The following CHCHD6 variants were observed in gnomAD, a reference collection of about 807,000 sequenced individuals.
The protein encoded by CHCHD6 is coiled-coil-helix-coiled-coil-helix domain containing 6, also known as MICOS complex subunit MIC25.
Under a neutral mutation model 32.3 loss-of-function variants are expected in CHCHD6, and 28 were observed. That is an observed-to-expected ratio of 0.87 (90% CI 0.64 to 1.19). CHCHD6 has a LOEUF of 1.19. Among genes scored for constraint, CHCHD6 ranks in the 50% most tolerant of loss-of-function variants. The probability of loss-of-function intolerance (pLI) is 0.00; values close to 1 mark genes in which losing one functional copy is unlikely to be tolerated. For synonymous variants in CHCHD6, 122 were observed against 117.5 expected, an observed-to-expected ratio of 1.04 and a Z score of -0.25; for missense variants, 333 against 307.0, an observed-to-expected ratio of 1.08 and a Z score of -0.63.
At chr3:126,725,168 G>A (rs1935476478) in intron 1 of CHCHD6, among the ~76,000 whole-genome samples, 1 of 152,206 alleles carries the variant, frequency 6.6e-6, no homozygotes, top group Non-Finnish European at 1.5e-5. Flanking sequence ...ATGTATGGCA[G>A]CTCTAAGCTT....
Position 126,803,458 on chromosome 3 carries a change from G to C in CHCHD6, c.412-49189G>C, listed in dbSNP as rs571860803. ...GACTTTAAACCAACAAAGATCAAAAGAGACAAAGAAGGCCATTACATAGTG... is the reference window on the plus strand; with the variant it reads ...GACTTTAAACCAACAAAGATCAAAACAGACAAAGAAGGCCATTACATAGTG... On this transcript the variant is annotated intron_variant, in intron 4 of 7. Transcript: ENST00000290913. 1.8e-4 allele frequency among the ~76,000 whole-genome samples: 27 copies of C among 152,250 alleles called. No homozygotes were observed. The East Asian group carries it at 4.8e-3, about 27-fold the overall frequency.
intron 1 of CHCHD6, among the ~76,000 whole-genome samples, chr3:126,718,399 G>A: frequency 6.6e-6 from 1 of 151,296 alleles, no homozygotes; most frequent in East Asian, 2.0e-4. Context: ...GGAAATCACT[G>A]TAGAGTCTGT....
intron 5 of CHCHD6, among the ~76,000 whole-genome samples, chr3:126,876,469 C>T (rs1197580819): frequency 6.6e-6 from 1 of 152,208 alleles, no homozygotes; most frequent in Non-Finnish European, 1.5e-5. Context: ...CAGTGTTGTA[C>T]TCTCATTCTT....
At chr3:126,738,309 C>A (rs917109239) in intron 4 of CHCHD6, among the ~76,000 whole-genome samples, 2 of 152,160 alleles carry the variant, frequency 1.3e-5, no homozygotes, top group Non-Finnish European at 2.9e-5. Context: ...ATGTAAGAGG[C>A]TTGAGCATCC....
At chr3:126,813,255 A>G (rs910434259) in intron 4 of CHCHD6, among the ~76,000 whole-genome samples, 2 of 152,194 alleles carry the variant, frequency 1.3e-5, no homozygotes, top group Non-Finnish European at 2.9e-5. Flanking sequence ...GTTAAAAGAG[A>G]TGCTGTCTCT....
chr3:126,726,487 T>C (rs1559806613), intron 1 of CHCHD6, among the ~76,000 whole-genome samples: 1 of 152,142 alleles, frequency 6.6e-6, no homozygotes, highest in African/African-American at 2.4e-5. Context: ...ACAAAGTACA[T>C]GCTGTTGGAA....
intron 6 of CHCHD6, among the ~76,000 whole-genome samples, chr3:126,943,203 G>T (rs758762086): frequency 2.0e-5 from 3 of 152,000 alleles, no homozygotes; most frequent in Non-Finnish European, 4.4e-5. Context: ...TCCTAATGAC[G>T]CCCCCCACTA....
At chr3:126,717,667 G>A (rs955835584) in intron 1 of CHCHD6, among the ~76,000 whole-genome samples, 2 of 152,182 alleles carry the variant, frequency 1.3e-5, no homozygotes, top group African/African-American at 4.8e-5. Flanking sequence ...GTTGCTTTTG[G>A]GTGAGGCTGG....
intron 4 of CHCHD6, among the ~76,000 whole-genome samples, chr3:126,787,886 G>A (rs1938303702): frequency 6.6e-6 from 1 of 152,122 alleles, no homozygotes; most frequent in Non-Finnish European, 1.5e-5. Flanking sequence ...GTGAGAGAGG[G>A]CATCCCTGTC....
chr3:126,915,770 G>A (rs1212764508), intron 6 of CHCHD6, among the ~76,000 whole-genome samples: 1 of 152,196 alleles, frequency 6.6e-6, no homozygotes, highest in Non-Finnish European at 1.5e-5. Flanking sequence ...CACAGAATAG[G>A]ACAGGGAACA....
intron 4 of CHCHD6, among the ~76,000 whole-genome samples, chr3:126,788,974 C>T (rs1938378585): frequency 6.6e-6 from 1 of 152,138 alleles, no homozygotes; most frequent in African/African-American, 2.4e-5. Context: ...TATAAATTTC[C>T]CTCTACACAC....
At chr3:126,814,182 A>G (rs1686641568) in intron 4 of CHCHD6, among the ~76,000 whole-genome samples, 1 of 152,224 alleles carries the variant, frequency 6.6e-6, no homozygotes, top group Admixed American at 6.5e-5. Context: ...TACGGAGAGA[A>G]CAGAGGGAAA....
intron 4 of CHCHD6, among the ~76,000 whole-genome samples, chr3:126,789,101 G>C (rs1938385742): frequency 6.6e-6 from 1 of 152,182 alleles, no homozygotes; most frequent in African/African-American, 2.4e-5. Flanking sequence ...TTCAGGAGCA[G>C]GTTGTTCAGT....
chr3:126,931,844 T>C (rs546895378), intron 6 of CHCHD6, among the ~76,000 whole-genome samples: 1 of 152,290 alleles, frequency 6.6e-6, no homozygotes, highest in African/African-American at 2.4e-5. Context: ...CAGGACAAAC[T>C]GTTCACAACA....
intron 4 of CHCHD6, among the ~76,000 whole-genome samples, chr3:126,738,514 A>T (rs1936153860): frequency 6.6e-6 from 1 of 152,186 alleles, no homozygotes. Context: ...TGTTCCTCAG[A>T]TTATAAACTC....
intron 6 of CHCHD6, among the ~76,000 whole-genome samples, chr3:126,932,638 G>A (rs533388771): frequency 1.6e-4 from 24 of 152,312 alleles, no homozygotes; most frequent in South Asian, 4.1e-4. Flanking sequence ...AGCCCTTCCC[G>A]CAGGAAGGAG....
intron 5 of CHCHD6, among the ~76,000 whole-genome samples, chr3:126,903,538 T>TA (rs1313543094): frequency 2.0e-5 from 3 of 152,252 alleles, no homozygotes; most frequent in Admixed American, 6.5e-5. Flanking sequence ...CCTTGATTTT[T>TA]AAAAAAAATT....
chr3:126,876,755 T>G (rs766437298), intron 5 of CHCHD6, among the ~76,000 whole-genome samples: 17 of 152,228 alleles, frequency 1.1e-4, no homozygotes, highest in Non-Finnish European at 2.2e-4. Flanking sequence ...AATACATTTA[T>G]TCCATTAAGA....
chr3:126,865,595 C>T (rs969470292), intron 5 of CHCHD6: 1 of 985,280 alleles, frequency 1.0e-6, no homozygotes, highest in African/African-American at 1.7e-5. Flanking sequence ...TCTACCACCT[C>T]CACACCTTCA....
Sources: allele counts gnomAD v4.1 joint callset (sites outside exome capture counted in the v4.1 genomes callset), GRCh38; gene constraint gnomAD v4.1.1; transcripts MANE v1.5; gene names NCBI Gene and HGNC (gene_info 2026-07-23, HGNC 2026-07-21).